The following KCNMA1 variants were observed in gnomAD, a reference collection of about 807,000 sequenced individuals.
KCNMA1 encodes Calcium-activated potassium channel subunit alpha-1.
A neutral mutation model predicts 140.0 loss-of-function variants in KCNMA1; 29 were observed. The ratio of observed to expected loss-of-function variants is 0.21; its 90% CI spans 0.15 to 0.28. KCNMA1 has a LOEUF of 0.28. KCNMA1 is among the 10% of genes least tolerant of loss of function. The probability of loss-of-function intolerance (pLI) is 1.00; values close to 1 mark genes in which losing one functional copy is unlikely to be tolerated. For synonymous variants in KCNMA1, 612 were observed against 611.9 expected (o/e 1.00, Z 0.00); for missense variants, 880 against 1,602.2 (o/e 0.55, Z 7.70).
chr10:77,532,520 T>G (rs1284301074), intron 1 of KCNMA1, among the ~76,000 whole-genome samples: 1 of 152,160 alleles, frequency 6.6e-6, no homozygotes, highest in Non-Finnish European at 1.5e-5. Context: ...TTTTCACTCA[T>G]TTAAGCCTGG....
intron 15 of KCNMA1, among the ~76,000 whole-genome samples, chr10:77,032,734 C>CT (rs769623391): frequency 0.02 from 3,057 of 149,914 alleles, 52 homozygotes; most frequent in Admixed American, 0.028. Flanking sequence ...CCCAACCCCC[C>CT]TTTTTTTTTT....
chr10:77,548,448 T>C (rs2061963036), intron 1 of KCNMA1, among the ~76,000 whole-genome samples: 1 of 152,226 alleles, frequency 6.6e-6, no homozygotes, highest in South Asian at 2.1e-4. Context: ...CAGGATTTCA[T>C]GTAGCAGATG....
chr10:77,129,878 G>A (rs549501969), intron 5 of KCNMA1, among the ~76,000 whole-genome samples: 6 of 152,040 alleles, frequency 3.9e-5, no homozygotes, highest in South Asian at 2.1e-4. Context: ...TATAAACTTC[G>A]AAACTTGATA....
chr10:77,036,193 C>A (rs1014339869), intron 15 of KCNMA1, among the ~76,000 whole-genome samples: 1 of 152,220 alleles, frequency 6.6e-6, no homozygotes, highest in African/African-American at 2.4e-5. Context: ...CTTGGACTTA[C>A]ACCAGTGATT....
At chr10:77,162,113 T>G (rs1288642096) in intron 5 of KCNMA1, among the ~76,000 whole-genome samples, 1 of 152,226 alleles carries the variant, frequency 6.6e-6, no homozygotes, top group Non-Finnish European at 1.5e-5. Context: ...TACTAAATAT[T>G]GGCACTCTTG....
chr10:77,434,328 T>C (rs1038509811), intron 1 of KCNMA1, among the ~76,000 whole-genome samples: 1 of 152,190 alleles, frequency 6.6e-6, no homozygotes, highest in African/African-American at 2.4e-5. Context: ...TGTGTCTCGT[T>C]CCTGTGGAAA....
At chr10:77,015,848 C>T (rs932989218) in intron 17 of KCNMA1, among the ~76,000 whole-genome samples, 1 of 152,090 alleles carries the variant, frequency 6.6e-6, no homozygotes, top group African/African-American at 2.4e-5. Context: ...CACCTCTCTC[C>T]ACCTCCACTC....
chr10:77,312,015 T>G (rs940606909), intron 2 of KCNMA1, among the ~76,000 whole-genome samples: 1 of 152,202 alleles, frequency 6.6e-6, no homozygotes, highest in African/African-American at 2.4e-5. Flanking sequence ...TGTTGTTGGA[T>G]TCAACCTGCA....
chr10:77,482,298 C>G (rs1428865677), intron 1 of KCNMA1, among the ~76,000 whole-genome samples: 1 of 152,198 alleles, frequency 6.6e-6, no homozygotes, highest in Admixed American at 6.5e-5. Flanking sequence ...CTCCAGTAAG[C>G]TGCTCATGCT....
chr10:76,984,858 C>G (rs2080768250), intron 19 of KCNMA1, among the ~76,000 whole-genome samples: 1 of 152,160 alleles, frequency 6.6e-6, no homozygotes, highest in African/African-American at 2.4e-5. Flanking sequence ...GGAAGTATAT[C>G]TCTTCAAACA....
At chr10:77,251,081 C>G in intron 3 of KCNMA1, 114 bp downstream of exon 3, 1 of 843,448 alleles carries the variant, frequency 1.2e-6, no homozygotes, top group Admixed American at 1.9e-5. Flanking sequence ...CCTCCAAAAT[C>G]TTCTGCACTC....
chr10:77,145,021 C>T (rs1483135108), intron 5 of KCNMA1, among the ~76,000 whole-genome samples: 1 of 152,216 alleles, frequency 6.6e-6, no homozygotes, highest in Non-Finnish European at 1.5e-5. Flanking sequence ...TGCCAAAGCA[C>T]TAGGGCCCAG....
At chr10:77,019,175 C>T in intron 16 of KCNMA1, 76 bp from the exon 17 acceptor site, 1 of 841,234 alleles carries the variant, frequency 1.2e-6, no homozygotes, top group Non-Finnish European at 2.0e-6. Flanking sequence ...GAAGGCTACA[C>T]CATACTGTTG....
chr10:77,202,584 G>A (rs1326864285), intron 3 of KCNMA1, among the ~76,000 whole-genome samples: 1 of 152,154 alleles, frequency 6.6e-6, no homozygotes, highest in Non-Finnish European at 1.5e-5. Context: ...GCCAACAAGT[G>A]ATACCTGCTT....
intron 1 of KCNMA1, among the ~76,000 whole-genome samples, chr10:77,494,259 A>G (rs2041027647): frequency 6.7e-6 from 1 of 150,024 alleles, no homozygotes; most frequent in Admixed American, 6.7e-5. Context: ...ACCATGAGCA[A>G]TGGGGTCCCA....
Position 77,634,295 on chromosome 10 carries a change from G to C in KCNMA1, c.378+2970C>G, listed in dbSNP as rs1426133268. On this transcript the variant is annotated intron_variant, in intron 1 of 27. Coordinates refer to ENST00000286628, the MANE Select transcript of KCNMA1 (RefSeq NM_001161352.2). ...AAGAACACAGTACTGGAATGACTGT[G>C]ACCAAGTTCCCAACAGGAGGAAATT... The C allele has an allele frequency of 6.1e-6, 6 of 985,306 alleles. No homozygotes were observed. The East Asian group carries it at 5.7e-4, about 93-fold the overall frequency. 61.0% of individuals were successfully genotyped at this position (985,306 alleles called of 1,614,324 possible).
At chr10:77,314,325 G>T (rs2080173682) in intron 2 of KCNMA1, among the ~76,000 whole-genome samples, 1 of 152,142 alleles carries the variant, frequency 6.6e-6, no homozygotes, top group South Asian at 2.1e-4. Context: ...GAAGCAGCCT[G>T]TTTCACTTAC....
intron 2 of KCNMA1, among the ~76,000 whole-genome samples, chr10:77,334,327 G>T (rs567842663): frequency 6.6e-6 from 1 of 152,272 alleles, no homozygotes; most frequent in African/African-American, 2.4e-5. Flanking sequence ...AATGATGGAA[G>T]ATGTTTTTGT....
At chr10:77,567,156 C>G (rs749776158) in intron 1 of KCNMA1, among the ~76,000 whole-genome samples, 3 of 152,188 alleles carry the variant, frequency 2.0e-5, no homozygotes, top group Non-Finnish European at 2.9e-5. Context: ...AGATTGGGCC[C>G]TGAGCCCTAC....
Sources: gnomAD v4.1 joint callset for allele counts (sites outside exome capture counted in the v4.1 genomes callset) on GRCh38, gnomAD v4.1.1 for gene constraint, MANE v1.5 for transcripts, NCBI Gene and HGNC (gene_info 2026-07-23, HGNC 2026-07-21) for gene names.